The following NRXN3 variants were observed in gnomAD, a reference collection of about 807,000 sequenced individuals.
NRXN3 encodes the protein neurexin 3, also known as neurexin III.
NRXN3 carries 32 observed loss-of-function variants against 137.6 expected under a neutral mutation model. That is an observed-to-expected ratio of 0.23 (90% confidence interval 0.18 to 0.31). The LOEUF is 0.31. Ranked by LOEUF, NRXN3 falls within the 10% of genes least tolerant of loss-of-function variation. NRXN3 has a pLI of 1.00. For synonymous variants in NRXN3, 798 were observed against 784.5 expected, an observed-to-expected ratio of 1.02 and a Z score of -0.29; for missense variants, 1,574 against 2,062.5, an observed-to-expected ratio of 0.76 and a Z score of 4.59.
At chr14:79,616,307 G>T (rs1332985729) in intron 16 of NRXN3, among the ~76,000 whole-genome samples, 1 of 152,102 alleles carries the variant, frequency 6.6e-6, no homozygotes, top group African/African-American at 2.4e-5. Flanking sequence ...ATATGTGTGG[G>T]AAATCTTTAA....
At chr14:78,262,789 C>G (rs2070986724) in intron 2 of NRXN3, among the ~76,000 whole-genome samples, 1 of 152,168 alleles carries the variant, frequency 6.6e-6, no homozygotes, top group African/African-American at 2.4e-5. Flanking sequence ...AAATCTGAGG[C>G]TGGGGAGTCA....
intron 4 of NRXN3, among the ~76,000 whole-genome samples, chr14:78,356,526 C>G (rs1191618623): frequency 1.3e-5 from 2 of 152,216 alleles, no homozygotes; most frequent in Non-Finnish European, 2.9e-5. Flanking sequence ...TGCATTCACC[C>G]AGTCTCCCTC....
At chr14:79,716,123 A>G (rs178383) in intron 19 of NRXN3, among the ~76,000 whole-genome samples, 137,790 of 152,200 alleles carry the variant, frequency 0.91, 62,434 homozygotes, top group African/African-American at 0.94. Context: ...GGACTGCATC[A>G]CATGGTCATG....
At chr14:78,796,648 A>C (rs777156936) in intron 8 of NRXN3, among the ~76,000 whole-genome samples, 3 of 152,142 alleles carry the variant, frequency 2.0e-5, no homozygotes, top group Admixed American at 6.6e-5. Flanking sequence ...GAGGGTATGG[A>C]AAGTTGTACA....
chr14:79,853,616 A>G (rs1212322357), intron 20 of NRXN3: 4 of 1,350,326 alleles, frequency 3.0e-6, no homozygotes, highest in Non-Finnish European at 2.9e-6. Flanking sequence ...ATTTACTCCT[A>G]TCATCTTCAT....
rs11313284 is a variant in NRXN3, at chr14:78,769,959, G to GA, written c.2045-33649dup. Among the ~76,000 whole-genome samples the GA allele has an allele frequency of 1.4e-3, 189 of 138,892 alleles. 1 individual carries two copies. Among genetic ancestry groups the GA allele is most frequent in the Admixed American group, 8.7e-4 (12 of 13,756 alleles). The allele number at this position is 138,892 out of a possible 152,430, so 91.1% of individuals were successfully genotyped here. A position where few individuals can be genotyped will look rare whatever the true frequency, so the allele number is the denominator to read the frequency against. ...TTGCTTATGAGTCTTCAATGTCTGA[G>GA]AAAAAAAAAAAAGGCCGCATGGGAT... On this transcript the variant is annotated intron_variant, in intron 8 of 20. Transcript: ENST00000335750.
At chr14:78,904,097 G>A (rs950741851) in intron 10 of NRXN3, among the ~76,000 whole-genome samples, 1 of 152,024 alleles carries the variant, frequency 6.6e-6, no homozygotes, top group Non-Finnish European at 1.5e-5. Context: ...GAGATCAGGC[G>A]ATATGTCAAG....
chr14:78,916,142 G>A (rs1002835263), intron 10 of NRXN3, among the ~76,000 whole-genome samples: 38 of 151,962 alleles, frequency 2.5e-4, no homozygotes, highest in African/African-American at 7.7e-4. Flanking sequence ...ACTTACTGTC[G>A]AAACTGGGAC....
chr14:79,554,895 C>G (rs944451524), intron 16 of NRXN3, among the ~76,000 whole-genome samples: 2 of 152,094 alleles, frequency 1.3e-5, no homozygotes, highest in Admixed American at 1.3e-4. Flanking sequence ...GTGGTATGGC[C>G]GGCCCTTCCT....
chr14:79,038,681 G>A (rs947887829), intron 15 of NRXN3, among the ~76,000 whole-genome samples: 6 of 152,220 alleles, frequency 3.9e-5, no homozygotes, highest in South Asian at 4.1e-4. Flanking sequence ...TTCCAAAAGT[G>A]TTACAAAACA....
At chr14:78,964,989 G>T (rs1475092481) in intron 11 of NRXN3, among the ~76,000 whole-genome samples, 1 of 152,040 alleles carries the variant, frequency 6.6e-6, no homozygotes, top group African/African-American at 2.4e-5. Context: ...GGAGGTGCCT[G>T]GCTTGATCCA....
Position 78,803,603 on chromosome 14 carries a change from C to T in NRXN3, c.2045-17C>T. The stretch of plus-strand genomic sequence containing the variant: ...ACATCCGTCATCCTAACGATCTTCT[C>T]CATTCTTCTTTGGCAGAGGCATCCA... On this transcript the variant is annotated splice_polypyrimidine_tract_variant and intron_variant, in intron 8 of 20. Transcript: ENST00000335750. The T allele has an allele frequency of 6.2e-7, 1 of 1,612,518 alleles. No individual in the cohort carries two copies.
chr14:79,389,413 T>G (rs1039182074), intron 15 of NRXN3, among the ~76,000 whole-genome samples: 8 of 152,220 alleles, frequency 5.3e-5, no homozygotes, highest in African/African-American at 1.9e-4. Context: ...TATTAATCCA[T>G]TCATGACGGC....
intron 15 of NRXN3, among the ~76,000 whole-genome samples, chr14:79,107,973 A>G (rs2052757114): frequency 6.6e-6 from 1 of 152,208 alleles, no homozygotes; most frequent in Non-Finnish European, 1.5e-5. Context: ...GTTAGTATCT[A>G]TTCCCTATAT....
intron 15 of NRXN3, among the ~76,000 whole-genome samples, chr14:79,190,268 G>A (rs2064113734): frequency 6.6e-6 from 1 of 151,806 alleles, no homozygotes; most frequent in Non-Finnish European, 1.5e-5. Context: ...AAAATATCAG[G>A]TCTTTCTCAT....
intron 6 of NRXN3, among the ~76,000 whole-genome samples, chr14:78,685,570 T>G (rs997376028): frequency 6.6e-6 from 1 of 151,684 alleles, no homozygotes; most frequent in African/African-American, 2.4e-5. Context: ...GGAATTGTCA[T>G]TACTCAAATG....
intron 4 of NRXN3, among the ~76,000 whole-genome samples, chr14:78,325,978 C>T (rs1057451827): frequency 6.6e-6 from 1 of 152,164 alleles, no homozygotes; most frequent in Non-Finnish European, 1.5e-5. Context: ...AACTTGTATA[C>T]TTTTAGCACT....
At chr14:78,518,529 T>A (rs72683507) in intron 4 of NRXN3, among the ~76,000 whole-genome samples, 1,665 of 152,148 alleles carry the variant, frequency 0.011, 25 homozygotes, top group South Asian at 0.033. Context: ...AATGAGAGTG[T>A]CTCTCCATGA....
intron 13 of NRXN3, among the ~76,000 whole-genome samples, 171 bp from the exon 14 acceptor site, chr14:78,968,002 C>G (rs1411171467): frequency 7.2e-6 from 1 of 139,284 alleles, no homozygotes; most frequent in African/African-American, 2.7e-5. Context: ...TATTGGTTTC[C>G]TTTTTTTGCA....
Sources: allele counts gnomAD v4.1 joint callset (sites outside exome capture counted in the v4.1 genomes callset), GRCh38; gene constraint gnomAD v4.1.1; transcripts MANE v1.5; gene names NCBI Gene and HGNC (gene_info 2026-07-23, HGNC 2026-07-21).